Variants in SLC2A5 observed in about 807,000 individuals in gnomAD.
The protein encoded by SLC2A5 is solute carrier family 2 member 5.
A neutral mutation model predicts 50.3 loss-of-function variants in SLC2A5; 56 were observed. That is an observed-to-expected ratio of 1.11 (90% confidence interval 0.90 to 1.39). The LOEUF (loss-of-function observed/expected upper bound fraction) is 1.39, where lower values mean the gene tolerates loss of function less well. SLC2A5 is among the 40% of genes most tolerant of loss of function. The pLI, the probability that SLC2A5 is intolerant of heterozygous loss-of-function variation, is 0.00. For synonymous variants in SLC2A5, 269 were observed against 281.9 expected (o/e 0.95, Z 0.46); for missense variants, 566 against 650.1 (o/e 0.87, Z 1.41).
At chr1:9,057,881 T>C (rs1253862011) in intron 2 of SLC2A5, among the ~76,000 whole-genome samples, 1 of 152,132 alleles carries the variant, frequency 6.6e-6, no homozygotes, top group African/African-American at 2.4e-5. Context: ...GGGAGACCCC[T>C]GGCCCCCCCG....
chr1:9,079,606 C>T (rs1642330654), intron 2 of SLC2A5, among the ~76,000 whole-genome samples: 2 of 152,218 alleles, frequency 1.3e-5, no homozygotes, highest in Admixed American at 6.5e-5. Flanking sequence ...CTGCCTCAGC[C>T]TCCCAAATAG....
chr1:9,044,435 G>A (rs1004378574), intron 4 of SLC2A5, among the ~76,000 whole-genome samples: 1 of 152,180 alleles, frequency 6.6e-6, no homozygotes, highest in Non-Finnish European at 1.5e-5. Context: ...TGAACTGTGA[G>A]CATGTTCCAG....
chr1:9,037,785 C>G lies in SLC2A5; in HGVS notation c.1307G>C (p.Gly436Ala). ...GACAATGAAGCTGTACGGGCCGAGG[C>G]CCTCCTGCGGGAAGAGGGGCAGGTG... ...VGLIFPFIQE[G>A]LGPYSFIVFA... Residue 436 changes from glycine (G) to alanine (A), a missense_variant, in exon 12 of 12, where the codon GGC becomes GCC. Transcript: ENST00000377424. 6.2e-7 allele frequency: 1 copy of G among 1,614,116 alleles called. No homozygotes were observed. The highest frequency in any genetic ancestry group is 8.5e-7 in the Non-Finnish European group (1 of 1,180,022).
At chr1:9,067,553 G>A (rs76942833) in intron 1 of SLC2A5, among the ~76,000 whole-genome samples, 6 of 152,148 alleles carry the variant, frequency 3.9e-5, no homozygotes, top group Admixed American at 2.0e-4. Flanking sequence ...AAACACCTAA[G>A]TCCTCATCAC....
Position 9,040,133 on chromosome 1 carries a change from G to A in SLC2A5, c.628C>T (p.Leu210=), listed in dbSNP as rs148075127. 5.0e-6 allele frequency: 8 copies of A among 1,592,216 alleles called. No individual in the cohort carries two copies. The highest frequency in any genetic ancestry group is 5.1e-6 in the Non-Finnish European group (6 of 1,169,844). ...GVPAALQLLL[L]PFFPESPRYL... The stretch of plus-strand genomic sequence containing the variant: ...CTGGGGCTCTCGGGGAAGAAGGGCA[G>A]CAGAAGGAGCTGCAGCGCCGCGGGG... The change falls in exon 6 of 12, where the codon CTG becomes TTG. Residue 210 remains leucine (L), a synonymous_variant. Coordinates refer to ENST00000377424, the MANE Select transcript of SLC2A5 (RefSeq NM_003039.3). This position sits in a 1 kb window ranked among gnomAD's most constrained non-coding sequence, Gnocchi z 4.3.
chr1:9,069,921 A>G (rs562080726), upstream of SLC2A5: 41 of 178,570 alleles, frequency 2.3e-4, no homozygotes, highest in African/African-American at 9.4e-4. Flanking sequence ...CCTACATGAC[A>G]CCAGGTAATC....
intron 1 of SLC2A5, among the ~76,000 whole-genome samples, chr1:9,068,835 A>G (rs555151740): frequency 6.6e-6 from 1 of 152,336 alleles, no homozygotes; most frequent in East Asian, 1.9e-4. Flanking sequence ...CTCCACTCCA[A>G]ATATAAGCAG....
At chr1:9,093,031 C>T (rs1403951060), upstream of SLC2A5, among the ~76,000 whole-genome samples, 2 of 152,168 alleles carry the variant, frequency 1.3e-5, no homozygotes, top group Non-Finnish European at 2.9e-5. Context: ...TGCTGCACCT[C>T]AGGGTCAAGC....
chr1:9,039,362 G>A (rs933640193), intron 8 of SLC2A5, among the ~76,000 whole-genome samples, 190 bp downstream of exon 8: 2 of 152,212 alleles, frequency 1.3e-5, no homozygotes, highest in Non-Finnish European at 2.9e-5. Flanking sequence ...GTGGCCCCGG[G>A]CCCGGTGCGG....
upstream of SLC2A5, among the ~76,000 whole-genome samples, chr1:9,088,957 C>T (rs1470210415): frequency 6.6e-6 from 1 of 152,206 alleles, no homozygotes; most frequent in East Asian, 1.9e-4. Context: ...CTGAAAACTC[C>T]TCTCATTATC....
upstream of SLC2A5, among the ~76,000 whole-genome samples, chr1:9,070,142 A>G (rs1353353045): frequency 1.6e-5 from 2 of 126,632 alleles, no homozygotes; most frequent in Non-Finnish European, 3.1e-5. Flanking sequence ...GTGCAGTGGC[A>G]TGATCTCAGC....
intron 4 of SLC2A5, among the ~76,000 whole-genome samples, chr1:9,046,999 C>T (rs995205769): frequency 6.6e-5 from 10 of 152,058 alleles, no homozygotes; most frequent in Admixed American, 3.3e-4. Context: ...CTCTCTCTCG[C>T]CTGCTGCCAT....
chr1:9,053,616 G>A (rs1273333674), intron 3 of SLC2A5, among the ~76,000 whole-genome samples: 1 of 138,830 alleles, frequency 7.2e-6, no homozygotes, highest in Non-Finnish European at 1.5e-5. Context: ...GCTTATGCCT[G>A]TAATTCCAGC....
chr1:9,092,536 A>T (rs546327585), upstream of SLC2A5, among the ~76,000 whole-genome samples: 4 of 152,312 alleles, frequency 2.6e-5, no homozygotes, highest in East Asian at 7.7e-4. Context: ...CCACCAAGCC[A>T]GAGGACACCT....
rs1381078312 is a variant in SLC2A5, at chr1:9,045,039, A to T, written c.418+2571T>A. Among the ~76,000 whole-genome samples the T allele has an allele frequency of 2.0e-5, 3 of 152,194 alleles. No homozygotes were observed. The East Asian group carries it at 5.8e-4, about 29-fold the overall frequency. Reference sequence around the variant, plus strand: ...TTTTAAGGGTGTCTGTGAGATCAAAACTATTTTCATAATAATCCAGAGATG... The same window carrying T: ...TTTTAAGGGTGTCTGTGAGATCAAATCTATTTTCATAATAATCCAGAGATG... On this transcript the variant is annotated intron_variant, in intron 4 of 11. Transcript: ENST00000377424.
At position 9,038,939 on chromosome 1, in the gene SLC2A5, G is replaced by A. The variant is rs376678902; in HGVS notation, c.997-10C>T. ...GCTCCACCACGAACACCTACAGGAG[G>A]GTGGCAGGGCTCAGGCGGGAGAGGC... On this transcript the variant is annotated splice_polypyrimidine_tract_variant and intron_variant, in intron 8 of 11. Transcript: ENST00000377424. 4.3e-6 allele frequency: 7 copies of A among 1,610,682 alleles called. No individual in the cohort carries two copies. In the African/African-American group the frequency reaches 8.0e-5, roughly 18 times the overall value.
At chr1:9,068,683 C>T (rs1050832218) in intron 1 of SLC2A5, among the ~76,000 whole-genome samples, 1 of 152,062 alleles carries the variant, frequency 6.6e-6, no homozygotes, top group African/African-American at 2.4e-5. Flanking sequence ...AACTGCTGAC[C>T]TCAGGTGATC....
intron 3 of SLC2A5, among the ~76,000 whole-genome samples, chr1:9,057,109 T>C (rs1641774452): frequency 1.3e-5 from 2 of 151,936 alleles, no homozygotes; most frequent in African/African-American, 4.8e-5. Context: ...TTGACCAACA[T>C]GGTGAAACTC....
Position 9,036,214 on chromosome 1 carries a change from T to C in SLC2A5, c.*1372A>G, listed in dbSNP as rs1641130941. On this transcript the variant is annotated 3_prime_UTR_variant, in exon 12 of 12. Coordinates refer to ENST00000377424, the MANE Select transcript of SLC2A5 (RefSeq NM_003039.3). ...TTTGAGACAAGGTCTCATTCTGTCA[T>C]GCAGGCTGGTGTGCAGTGATGCAAT... 6.6e-6 allele frequency: 1 copy of C among 152,228 alleles called. No homozygotes were observed. The highest frequency in any genetic ancestry group is 6.5e-5 in the Admixed American group (1 of 15,274). 9.4% of individuals were successfully genotyped at this position (152,228 alleles called of 1,614,324 possible).
Sources: gnomAD v4.1 joint callset for allele counts (sites outside exome capture counted in the v4.1 genomes callset) on GRCh38, gnomAD v4.1.1 for gene constraint, Gnocchi (gnomAD v3.1) non-coding constraint, MANE v1.5 for transcripts, NCBI Gene and HGNC (gene_info 2026-07-23, HGNC 2026-07-21) for gene names.